The following DMD variants were observed in gnomAD, a reference collection of about 807,000 sequenced individuals.
DMD encodes mutant dystrophin.
DMD carries 63 observed loss-of-function variants against 330.1 expected under a neutral mutation model. The ratio of observed to expected loss-of-function variants is 0.19; its 90% CI spans 0.16 to 0.24. The LOEUF is 0.24. Ranked by LOEUF, DMD falls within the 10% of genes least tolerant of loss-of-function variation. The probability of loss-of-function intolerance (pLI) is 1.00; values close to 1 mark genes in which losing one functional copy is unlikely to be tolerated. For missense variants in DMD, 3,344 were observed against 2,684.1 expected, an observed-to-expected ratio of 1.25 and a Z score of -5.43; for synonymous variants, 1,223 against 959.8, an observed-to-expected ratio of 1.27 and a Z score of -5.07.
At chrX:31,306,794 T>G (rs954164527) in intron 62 of DMD, among the ~76,000 whole-genome samples, 2 of 111,683 alleles carry the variant, frequency 1.8e-5, no homozygotes, top group Non-Finnish European at 3.8e-5. Flanking sequence ...TTTATAAAAC[T>G]TGGTGATAAA....
intron 2 of DMD, among the ~76,000 whole-genome samples, chrX:33,003,685 A>G (rs1208018817): frequency 9.1e-6 from 1 of 110,116 alleles, no homozygotes; most frequent in Non-Finnish European, 1.9e-5. Flanking sequence ...ATATGCTGAA[A>G]TGTCTTATAT....
chrX:32,880,901 G>A (rs1227291396), intron 2 of DMD, among the ~76,000 whole-genome samples: 6 of 112,627 alleles, frequency 5.3e-5, no homozygotes, highest in South Asian at 3.6e-4. Context: ...CCGATATTGC[G>A]CCATCGCACT....
chrX:32,316,368 T>A (rs945651291), intron 41 of DMD, among the ~76,000 whole-genome samples: 1 of 112,042 alleles, frequency 8.9e-6, no homozygotes, highest in African/African-American at 3.2e-5. Context: ...CTGTAATTTC[T>A]AAGATGCTTC....
At chrX:33,218,797 T>G (rs1292506113) in intron 1 of DMD, among the ~76,000 whole-genome samples, 1 of 111,685 alleles carries the variant, frequency 9.0e-6, no homozygotes, top group Non-Finnish European at 1.9e-5. Flanking sequence ...TTAAAAATCG[T>G]TTTTTTCCTT....
At position 32,599,334 on chromosome X, in the gene DMD, G is replaced by A. The variant is rs1172158215; in HGVS notation, c.1483-3458C>T. 2.7e-5 allele frequency among the ~76,000 whole-genome samples: 3 copies of A among 111,658 alleles called. No homozygotes were observed. The Admixed American group carries it at 2.9e-4, about 11-fold the overall frequency. On this transcript the variant is annotated intron_variant, in intron 12 of 78. Coordinates refer to ENST00000357033, the MANE Select transcript of DMD (RefSeq NM_004006.3). ...AAAGCTGGAGTTAAAAAGTTCAATT[G>A]TTCTGCCAAACTAGGAATCCATGAA...
intron 7 of DMD, among the ~76,000 whole-genome samples, chrX:32,736,127 AAAG>A (rs1350905869): frequency 1.2e-4 from 13 of 112,422 alleles, no homozygotes; most frequent in Non-Finnish European, 1.9e-4. Flanking sequence ...ACAATTCTCA[AAAG>A]AAGACATTTA....
At chrX:32,800,960 T>C (rs1249282056) in intron 7 of DMD, among the ~76,000 whole-genome samples, 2 of 111,400 alleles carry the variant, frequency 1.8e-5, no homozygotes, top group African/African-American at 3.3e-5. Flanking sequence ...TTGATGGGCA[T>C]TTGGGTTGGT....
intron 32 of DMD, 128 bp downstream of exon 32, chrX:32,389,373 T>C: frequency 1.3e-6 from 1 of 791,656 alleles, no homozygotes; most frequent in East Asian, 3.5e-5. Context: ...ATTTTTGTTC[T>C]CAATCTTAAA....
chrX:32,597,515 C>A (rs950648009), intron 12 of DMD, among the ~76,000 whole-genome samples: 1 of 111,697 alleles, frequency 9.0e-6, no homozygotes, highest in Non-Finnish European at 1.9e-5. Flanking sequence ...GGTGTAATCA[C>A]AATTACACTA....
intron 44 of DMD, among the ~76,000 whole-genome samples, chrX:32,174,426 A>C (rs1353579352): frequency 8.9e-6 from 1 of 112,256 alleles, no homozygotes; most frequent in Non-Finnish European, 1.9e-5. Context: ...GAGTCTGCAA[A>C]CTGCAGCCCT....
At chrX:32,273,261 T>G (rs761800289) in intron 43 of DMD, among the ~76,000 whole-genome samples, 105 of 103,116 alleles carry the variant, frequency 1.0e-3, no homozygotes, top group Non-Finnish European at 7.5e-4. Context: ...CTTTTTACAC[T>G]CTTCTTAGGG....
At chrX:31,589,428 G>T (rs2076767552) in intron 55 of DMD, among the ~76,000 whole-genome samples, 1 of 111,301 alleles carries the variant, frequency 9.0e-6, no homozygotes, top group Non-Finnish European at 1.9e-5. Context: ...ATCAGCAAAG[G>T]AAAGCGGGTA....
At chrX:31,469,007 C>G (rs181782602) in intron 59 of DMD, among the ~76,000 whole-genome samples, 9 of 108,675 alleles carry the variant, frequency 8.3e-5, no homozygotes, top group African/African-American at 3.0e-4. Context: ...TTTTTTCTTT[C>G]CATTTGCTGC....
intron 52 of DMD, among the ~76,000 whole-genome samples, chrX:31,726,232 A>T (rs545345367): frequency 8.9e-6 from 1 of 112,481 alleles, no homozygotes; most frequent in Non-Finnish European, 1.9e-5. Flanking sequence ...ATAGTAAAAC[A>T]TGGTGGTGGC....
intron 60 of DMD, among the ~76,000 whole-genome samples, chrX:31,378,492 G>A (rs1310028256): frequency 2.7e-5 from 3 of 111,382 alleles, no homozygotes; most frequent in Non-Finnish European, 5.7e-5. Context: ...CTCCGGCACC[G>A]GTCACGGACT....
intron 1 of DMD, among the ~76,000 whole-genome samples, chrX:33,234,280 G>T (rs923313741): frequency 9.0e-6 from 1 of 111,666 alleles, no homozygotes; most frequent in African/African-American, 3.3e-5. Flanking sequence ...AGATCATATG[G>T]TCTTGTAAAA....
At chrX:32,072,067 T>C (rs1195229350) in intron 44 of DMD, among the ~76,000 whole-genome samples, 1 of 112,088 alleles carries the variant, frequency 8.9e-6, no homozygotes. Context: ...ATGGGCTTGC[T>C]CATTATTTGT....
intron 11 of DMD, among the ~76,000 whole-genome samples, chrX:32,624,326 G>A (rs1300384944): frequency 9.0e-6 from 1 of 111,510 alleles, no homozygotes; most frequent in African/African-American, 3.3e-5. Context: ...AGTAGGTATA[G>A]GCAAAAGCAT....
chrX:33,179,990 C>T (rs2049901715), intron 1 of DMD, among the ~76,000 whole-genome samples: 1 of 109,645 alleles, frequency 9.1e-6, no homozygotes, highest in Non-Finnish European at 1.9e-5. Context: ...GTGTGCACCA[C>T]CACGCCTGGC....
Sources: allele counts gnomAD v4.1 joint callset (sites outside exome capture counted in the v4.1 genomes callset), GRCh38; gene constraint gnomAD v4.1.1; transcripts MANE v1.5; gene names NCBI Gene and HGNC (gene_info 2026-07-23, HGNC 2026-07-21).